Variants in SCAND3 observed in about 807,000 individuals in gnomAD.
SCAND3 encodes SCAN domain containing 3, also known as SCAN domain-containing protein 3.
the SCAND3 span, chr6:28,574,769 G>A: frequency 2.5e-6 from 4 of 1,614,010 alleles, no homozygotes; most frequent in African/African-American, 5.3e-5. Context: ...TCATAGCAAA[G>A]GCTACAAGTT....
At chr6:28,595,859 TC>T in the SCAND3 span, among the ~76,000 whole-genome samples, 1 of 151,870 alleles carries the variant, frequency 6.6e-6, no homozygotes, top group African/African-American at 2.4e-5. Flanking sequence ...GAACATCCCA[TC>T]CCCCACTGCC....
At chr6:28,571,739 G>A in the SCAND3 span, 1 of 601,626 alleles carries the variant, frequency 1.7e-6, no homozygotes, top group African/African-American at 1.9e-5. Flanking sequence ...ATTCTTAATT[G>A]AAAATATACA....
the SCAND3 span, among the ~76,000 whole-genome samples, chr6:28,606,850 T>G: frequency 2.0e-5 from 3 of 152,230 alleles, no homozygotes; most frequent in South Asian, 6.2e-4. Context: ...ACAGTTTCCC[T>G]TCAAACACGT....
the SCAND3 span, chr6:28,575,494 G>C: frequency 6.2e-7 from 1 of 1,613,886 alleles, no homozygotes; most frequent in Non-Finnish European, 8.5e-7. The surrounding 1 kb of genome is among the most constrained non-coding windows in gnomAD (Gnocchi z 4.2). Flanking sequence ...CCGCAAAAAA[G>C]TTAACTTTGT....
At chr6:28,588,867 G>T in the SCAND3 span, among the ~76,000 whole-genome samples, 8 of 152,182 alleles carry the variant, frequency 5.3e-5, no homozygotes, top group Admixed American at 1.3e-4. This position sits in a 1 kb window ranked among gnomAD's most constrained non-coding sequence, Gnocchi z 4.1. Flanking sequence ...GATGTTTATC[G>T]TGAGTCTCGC....
At chr6:28,609,363 A>C in the SCAND3 span, among the ~76,000 whole-genome samples, 1 of 152,234 alleles carries the variant, frequency 6.6e-6, no homozygotes, top group African/African-American at 2.4e-5. Flanking sequence ...GCTTTTCCAT[A>C]TTCAACCTTT....
the SCAND3 span, among the ~76,000 whole-genome samples, chr6:28,597,087 A>G: frequency 6.6e-6 from 1 of 152,174 alleles, no homozygotes; most frequent in Admixed American, 6.5e-5. Context: ...TACCATCTGG[A>G]GGGAAAAGTA....
the SCAND3 span, chr6:28,589,499 A>G: frequency 1.3e-5 from 2 of 152,060 alleles, no homozygotes; most frequent in African/African-American, 4.8e-5. Flanking sequence ...TGAATGTGGG[A>G]AAAATTCGTT....
At chr6:28,598,743 G>A in the SCAND3 span, among the ~76,000 whole-genome samples, 14 of 145,056 alleles carry the variant, frequency 9.7e-5, no homozygotes, top group Non-Finnish European at 2.0e-4. Context: ...TGAGTGCGGC[G>A]GCGCGCACTT....
At chr6:28,605,832 G>A in the SCAND3 span, among the ~76,000 whole-genome samples, 5 of 152,216 alleles carry the variant, frequency 3.3e-5, no homozygotes, top group African/African-American at 1.2e-4. Context: ...GCAACAGGGC[G>A]AGACTCTGTC....
chr6:28,576,184 T>A, the SCAND3 span: 2 of 1,440,858 alleles, frequency 1.4e-6, no homozygotes, highest in East Asian at 2.3e-5. Context: ...GAATATAATT[T>A]AAAAGACATA....
At chr6:28,575,992 C>G in the SCAND3 span, 6 of 1,613,586 alleles carry the variant, frequency 3.7e-6, no homozygotes, top group Non-Finnish European at 5.1e-6. This position sits in a 1 kb window ranked among gnomAD's most constrained non-coding sequence, Gnocchi z 4.2. Flanking sequence ...AGTATTATTA[C>G]TTTTGTTTTC....
At chr6:28,573,407 G>A in the SCAND3 span, 10 of 1,614,106 alleles carry the variant, frequency 6.2e-6, no homozygotes, top group Non-Finnish European at 8.5e-6. Flanking sequence ...GCAACCGGAA[G>A]TGCTACTTTA....
At chr6:28,612,338 C>T in the SCAND3 span, among the ~76,000 whole-genome samples, 2 of 152,044 alleles carry the variant, frequency 1.3e-5, no homozygotes, top group African/African-American at 4.8e-5. Context: ...GGGCCCTGAT[C>T]ACTTCTGTGT....
chr6:28,586,320 T>TC, the SCAND3 span: 1 of 1,608,996 alleles, frequency 6.2e-7, no homozygotes, highest in Non-Finnish European at 8.5e-7. The surrounding 1 kb of genome is among the most constrained non-coding windows in gnomAD (Gnocchi z 4.4). Flanking sequence ...TTCATCAAGC[T>TC]CCCTCTCCAA....
At chr6:28,572,808 A>G in the SCAND3 span, 7 of 1,612,340 alleles carry the variant, frequency 4.3e-6, no homozygotes, top group Admixed American at 1.7e-5. This position sits in a 1 kb window ranked among gnomAD's most constrained non-coding sequence, Gnocchi z 4.1. Context: ...ATTTTATATA[A>G]TTCACAATTT....
the SCAND3 span, among the ~76,000 whole-genome samples, chr6:28,593,258 G>C: frequency 6.6e-6 from 1 of 151,754 alleles, no homozygotes; most frequent in African/African-American, 2.4e-5. Flanking sequence ...GACCTGAACA[G>C]ACATTTCTCA....
the SCAND3 span, among the ~76,000 whole-genome samples, chr6:28,576,406 C>T: frequency 1.3e-5 from 2 of 152,002 alleles, no homozygotes; most frequent in Non-Finnish European, 2.9e-5. Context: ...ACTACAGGTG[C>T]GCACCATGAC....
At chr6:28,614,818 A>G in the SCAND3 span, among the ~76,000 whole-genome samples, 49 of 152,320 alleles carry the variant, frequency 3.2e-4, no homozygotes, top group South Asian at 6.6e-3. Context: ...AAAATCTGAA[A>G]GAATCTTCCA....
Sources: allele counts gnomAD v4.1 joint callset (sites outside exome capture counted in the v4.1 genomes callset), GRCh38; gene constraint gnomAD v4.1.1; non-coding constraint Gnocchi (gnomAD v3.1); transcripts MANE v1.5; gene names NCBI Gene and HGNC (gene_info 2026-07-23, HGNC 2026-07-21).